ANKIB1: variants seen among roughly 807,000 people sequenced by gnomAD.
ANKIB1 encodes ankyrin repeat and IBR domain-containing protein 1.
Under a neutral mutation model 122.1 loss-of-function variants are expected in ANKIB1, and 43 were observed. That is an observed-to-expected ratio of 0.35 (90% confidence interval 0.28 to 0.45). ANKIB1 has a LOEUF of 0.45. Among genes scored for constraint, ANKIB1 ranks in the 20% least tolerant of loss-of-function variants. The pLI is 1.00. For missense variants in ANKIB1, 992 were observed against 1,329.5 expected (o/e 0.75, Z 3.95); for synonymous variants, 390 against 442.0 (o/e 0.88, Z 1.48).
chr7:92,305,661 A>C (rs1649533464), intron 2 of ANKIB1, among the ~76,000 whole-genome samples: 2 of 152,220 alleles, frequency 1.3e-5, no homozygotes, highest in African/African-American at 2.4e-5. Flanking sequence ...AGTGGCCTGA[A>C]TCAGTTCCTG....
chr7:92,389,152 T>TA (rs1212615348), intron 14 of ANKIB1, among the ~76,000 whole-genome samples: 2 of 152,078 alleles, frequency 1.3e-5, no homozygotes, highest in Non-Finnish European at 2.9e-5. Context: ...AACAAAAAGA[T>TA]ACAGCAATTG....
chr7:92,313,541 G>T (rs1358381064), intron 3 of ANKIB1, among the ~76,000 whole-genome samples: 1 of 152,014 alleles, frequency 6.6e-6, no homozygotes, highest in Non-Finnish European at 1.5e-5. Flanking sequence ...TGATGCTAAG[G>T]CCTATATTAA....
At chr7:92,300,865 CT>C (rs763839216) in intron 2 of ANKIB1, among the ~76,000 whole-genome samples, 2 of 152,066 alleles carry the variant, frequency 1.3e-5, no homozygotes, top group South Asian at 2.1e-4. Flanking sequence ...TTCTTTACCC[CT>C]GACCCTGGTT....
At chr7:92,366,935 C>A (rs1305275017) in intron 10 of ANKIB1, among the ~76,000 whole-genome samples, 1 of 152,010 alleles carries the variant, frequency 6.6e-6, no homozygotes, top group Non-Finnish European at 1.5e-5. Context: ...ATTCCATACC[C>A]ACAGATAAGA....
chr7:92,322,338 GA>G (rs1802929886), intron 4 of ANKIB1, among the ~76,000 whole-genome samples: 1 of 151,830 alleles, frequency 6.6e-6, no homozygotes, highest in Non-Finnish European at 1.5e-5. Flanking sequence ...ATTATGTTAA[GA>G]AAAAAGTTAC....
intron 5 of ANKIB1, among the ~76,000 whole-genome samples, chr7:92,330,698 A>T (rs1348713357): frequency 1.3e-5 from 2 of 151,908 alleles, no homozygotes; most frequent in East Asian, 3.9e-4. Flanking sequence ...AAAAATTAGC[A>T]GGGCGTGGTG....
intron 1 of ANKIB1, among the ~76,000 whole-genome samples, chr7:92,247,159 A>G (rs574146769): frequency 1.4e-4 from 21 of 152,352 alleles, no homozygotes; most frequent in African/African-American, 4.3e-4. Context: ...TTCACACGGA[A>G]TGGCATATCG....
Position 92,307,360 on chromosome 7 carries a change from ACTTTT to A in ANKIB1, c.194_198del (p.Phe65TrpfsTer2). The A allele has an allele frequency of 6.2e-7, 1 of 1,605,654 alleles. No individual in the cohort carries two copies. Among genetic ancestry groups the A allele is most frequent in the Non-Finnish European group, 8.5e-7 (1 of 1,174,552 alleles). On this transcript the variant is annotated frameshift_variant and splice_region_variant, in exon 3 of 20. Transcript: ENST00000265742. LOFTEE classifies it high-confidence loss of function. The stretch of plus-strand genomic sequence containing the variant: ...TTTTTCCCTTTCTTTCCATTTTAGG[ACTTTT>A]CTTGGTAGAGATGGAAATCCAAATA...
chr7:92,247,599 AATTTG>A (rs1457866621), intron 1 of ANKIB1, among the ~76,000 whole-genome samples: 1 of 152,134 alleles, frequency 6.6e-6, no homozygotes, highest in African/African-American at 2.4e-5. Flanking sequence ...TTCTCATTAG[AATTTG>A]ATTTGCTTTT....
intron 10 of ANKIB1, among the ~76,000 whole-genome samples, chr7:92,366,511 A>C (rs1804087080): frequency 6.6e-6 from 1 of 152,198 alleles, no homozygotes; most frequent in South Asian, 2.1e-4. Context: ...TCATTCACTC[A>C]AGCAGTCTTA....
At chr7:92,288,057 A>AAAC (rs1802172784) in intron 1 of ANKIB1, among the ~76,000 whole-genome samples, 1 of 143,428 alleles carries the variant, frequency 7.0e-6, no homozygotes. Context: ...AAAAAAAAAA[A>AAAC]CTGCCACCAT....
chr7:92,329,713 AT>A (rs1803121599), intron 5 of ANKIB1, among the ~76,000 whole-genome samples: 1 of 152,158 alleles, frequency 6.6e-6, no homozygotes, highest in Admixed American at 6.5e-5. Context: ...TGAAAGTCAT[AT>A]TTTAGTCCTC....
intron 1 of ANKIB1, among the ~76,000 whole-genome samples, chr7:92,261,069 G>A (rs1020931520): frequency 5.3e-5 from 8 of 151,994 alleles, no homozygotes; most frequent in African/African-American, 1.7e-4. Flanking sequence ...ATGTTTTTTG[G>A]CCGGGCGCGG....
intron 11 of ANKIB1, among the ~76,000 whole-genome samples, chr7:92,382,073 A>C (rs2115678759): frequency 1.3e-5 from 2 of 152,318 alleles, no homozygotes; most frequent in Middle Eastern, 6.8e-3. Flanking sequence ...GAAAGCAAAA[A>C]AAAAAAGCAG....
intron 1 of ANKIB1, among the ~76,000 whole-genome samples, chr7:92,265,871 G>T (rs1031016587): frequency 6.6e-6 from 1 of 152,222 alleles, no homozygotes; most frequent in Non-Finnish European, 1.5e-5. Flanking sequence ...AGTACAAGAT[G>T]TCAAGTAGGC....
intron 3 of ANKIB1, among the ~76,000 whole-genome samples, chr7:92,309,655 G>A (rs1167166118): frequency 1.3e-5 from 2 of 151,640 alleles, no homozygotes; most frequent in African/African-American, 2.4e-5. Context: ...GGCCGGGCAC[G>A]GTGGCTCACA....
intron 9 of ANKIB1, among the ~76,000 whole-genome samples, chr7:92,355,763 C>G (rs1346759089): frequency 6.6e-6 from 1 of 151,576 alleles, no homozygotes; most frequent in South Asian, 2.1e-4. Flanking sequence ...GCAGGAGAAT[C>G]GCTTGAACCT....
At chr7:92,256,683 G>A (rs1364864298) in intron 1 of ANKIB1, among the ~76,000 whole-genome samples, 1 of 152,018 alleles carries the variant, frequency 6.6e-6, no homozygotes, top group Non-Finnish European at 1.5e-5. Flanking sequence ...ATTCTTTCTA[G>A]GCATGCTACA....
In ANKIB1 at chr7:92,398,571, C is replaced by A. The variant is rs943195423; in HGVS notation, c.2892C>A (p.Asn964Lys). 5 of 1,613,820 alleles carry A rather than the reference C, an allele frequency of 3.1e-6. No individual in the cohort carries two copies. The highest frequency in any genetic ancestry group is 2.5e-6 in the Non-Finnish European group (3 of 1,179,876). The change falls in exon 20 of 20, where the codon AAC becomes AAA. Residue 964 changes from asparagine (N) to lysine (K), a missense_variant. Asn to Lys is a moderately conservative substitution (Grantham distance 94). This residue lies in a region of ANKIB1 where 384 missense variants were observed against 412.0 expected (regional missense o/e 0.93). Transcript: ENST00000265742. ...SDPDSAGQDPNINDNLLGNIM... is the reference protein window; with the variant it reads ...SDPDSAGQDPKINDNLLGNIM... ...CTGACTCAGCTGGCCAGGACCCCAA[C>A]ATCAATGACAATCTTCTCGGCAACA...
Sources: gnomAD v4.1 joint callset for allele counts (sites outside exome capture counted in the v4.1 genomes callset) on GRCh38, gnomAD v4.1.1 for gene constraint, gnomAD v4.1.1 regional missense constraint, MANE v1.5 for transcripts, NCBI Gene and HGNC (gene_info 2026-07-23, HGNC 2026-07-21) for gene names.